The following ADAMTS20 variants were observed in gnomAD, a reference collection of about 807,000 sequenced individuals.
ADAMTS20 encodes ADAM metallopeptidase with thrombospondin type 1 motif 20.
In ADAMTS20, 225 loss-of-function variants were observed where a neutral mutation model predicts 260.1. The observed-to-expected ratio is 0.87, with a 90% CI of 0.78 to 0.97. The LOEUF is 0.97. Ranked by LOEUF, ADAMTS20 falls within the 50% of genes least tolerant of loss-of-function variation. The pLI is 0.00. For synonymous variants in ADAMTS20, 802 were observed against 769.5 expected, an observed-to-expected ratio of 1.04 and a Z score of -0.70; for missense variants, 2,400 against 2,337.7, an observed-to-expected ratio of 1.03 and a Z score of -0.55.
intron 3 of ADAMTS20, among the ~76,000 whole-genome samples, chr12:43,519,505 G>A (rs275373): frequency 0.92 from 140,177 of 152,166 alleles, 65,100 homozygotes; most frequent in East Asian, 0.99. Context: ...ACCTCATCTT[G>A]CAGAGTTCTT....
At chr12:43,445,677 T>TACACAC (rs56762980) in intron 15 of ADAMTS20, among the ~76,000 whole-genome samples, 12,891 of 148,704 alleles carry the variant, frequency 0.087, 906 homozygotes, top group East Asian at 0.45. Context: ...GACCCATCTC[T>TACACAC]ACACACACAC....
intron 7 of ADAMTS20, among the ~76,000 whole-genome samples, chr12:43,475,996 G>T (rs1942346826): frequency 7.2e-6 from 1 of 139,178 alleles, no homozygotes; most frequent in Non-Finnish European, 1.5e-5. Flanking sequence ...TGACAAATGG[G>T]ATCTAAATAA....
At chr12:43,517,671 A>C (rs1381607251) in intron 3 of ADAMTS20, among the ~76,000 whole-genome samples, 1 of 152,076 alleles carries the variant, frequency 6.6e-6, no homozygotes, top group Admixed American at 6.6e-5. Flanking sequence ...TCTTTTGGGA[A>C]ACAAGATGAT....
At chr12:43,378,022 A>AGTGTTTAG (rs1281203774) in intron 31 of ADAMTS20, among the ~76,000 whole-genome samples, 3 of 152,206 alleles carry the variant, frequency 2.0e-5, no homozygotes, top group Admixed American at 6.5e-5. Flanking sequence ...AAAATAGGTA[A>AGTGTTTAG]GTGATTTAGG....
intron 19 of ADAMTS20, chr12:43,433,713 C>T (rs769307195): frequency 6.7e-6 from 1 of 149,342 alleles, no homozygotes; most frequent in South Asian, 7.2e-5. Context: ...AACACACACA[C>T]ACACACACAC....
intron 18 of ADAMTS20, among the ~76,000 whole-genome samples, chr12:43,436,865 G>T (rs951293266): frequency 6.6e-6 from 1 of 152,138 alleles, no homozygotes; most frequent in Non-Finnish European, 1.5e-5. Flanking sequence ...TTGCAGGACC[G>T]TTTAACTCAA....
intron 2 of ADAMTS20, among the ~76,000 whole-genome samples, chr12:43,534,561 G>T (rs1282488005): frequency 6.6e-6 from 1 of 151,818 alleles, no homozygotes; most frequent in Admixed American, 6.6e-5. Flanking sequence ...CAAAATATTG[G>T]AACTACTTCA....
rs1213320762 is a variant in ADAMTS20 at position 43,462,818 on chromosome 12, AC to A, written c.1614+76del. 5.0e-6 allele frequency: 6 copies of A among 1,202,042 alleles called. No individual in the cohort carries two copies. In the Admixed American group the frequency reaches 9.5e-5, roughly 19 times the overall value. 74.5% of individuals were successfully genotyped at this position (1,202,042 alleles called of 1,614,324 possible). A position where few individuals can be genotyped will look rare whatever the true frequency, so the allele number is the denominator to read the frequency against. On this transcript the variant is annotated intron_variant, in intron 11 of 38. Transcript: ENST00000389420. ...AAGAAAAGTTGACAGCAAATAACAA[AC>A]AGAGTGCTAAAATGCAGAGCAATCA...
intron 2 of ADAMTS20, among the ~76,000 whole-genome samples, chr12:43,544,868 T>G (rs140285626): frequency 4.6e-5 from 7 of 152,194 alleles, no homozygotes; most frequent in African/African-American, 1.7e-4. Context: ...AGGGGTCTCC[T>G]GCAAGGCTGC....
chr12:43,392,765 A>G (rs1592044986), intron 29 of ADAMTS20, among the ~76,000 whole-genome samples: 1 of 152,126 alleles, frequency 6.6e-6, no homozygotes, highest in Middle Eastern at 3.4e-3. Flanking sequence ...TCTGTGATTG[A>G]AACTCCTTTA....
chr12:43,401,741 C>CTTTTTTTT (rs5797861), intron 28 of ADAMTS20, among the ~76,000 whole-genome samples: 1 of 147,416 alleles, frequency 6.8e-6, no homozygotes, highest in Non-Finnish European at 1.5e-5. Context: ...TATTTTTATG[C>CTTTTTTTT]TTTTTTTTTT....
At chr12:43,498,276 A>G (rs576664994) in intron 4 of ADAMTS20, among the ~76,000 whole-genome samples, 48 of 152,204 alleles carry the variant, frequency 3.2e-4, no homozygotes, top group Non-Finnish European at 6.2e-4. Context: ...ATATCACTGC[A>G]CTCAGGTATT....
chr12:43,417,751 T>C (rs754292244), intron 28 of ADAMTS20, among the ~76,000 whole-genome samples: 1 of 152,182 alleles, frequency 6.6e-6, no homozygotes, highest in Non-Finnish European at 1.5e-5. Flanking sequence ...CATATTTGTT[T>C]TATCTAACAC....
At chr12:43,478,983 G>A (rs1942401045) in intron 7 of ADAMTS20, among the ~76,000 whole-genome samples, 2 of 152,154 alleles carry the variant, frequency 1.3e-5, no homozygotes, top group Non-Finnish European at 2.9e-5. Flanking sequence ...AACCTGCGGA[G>A]TCTGGCACAA....
intron 36 of ADAMTS20, among the ~76,000 whole-genome samples, chr12:43,374,884 T>C (rs1363461723): frequency 6.6e-6 from 1 of 151,790 alleles, no homozygotes; most frequent in African/African-American, 2.4e-5. Context: ...TTATTAAGAG[T>C]CCCCAGCTGG....
intron 4 of ADAMTS20, 78 bp downstream of exon 4, chr12:43,502,074 A>G: frequency 7.2e-7 from 1 of 1,379,998 alleles, no homozygotes; most frequent in Non-Finnish European, 9.6e-7. Flanking sequence ...GTTTGGAAAA[A>G]AAATTTAATT....
At chr12:43,470,230 C>T (rs944603683) in intron 7 of ADAMTS20, among the ~76,000 whole-genome samples, 5 of 152,056 alleles carry the variant, frequency 3.3e-5, no homozygotes, top group African/African-American at 1.2e-4. Context: ...CATGGACATC[C>T]TACAGTAGGA....
chr12:43,485,379 A>T (rs1942507903), intron 7 of ADAMTS20, among the ~76,000 whole-genome samples: 1 of 152,124 alleles, frequency 6.6e-6, no homozygotes, highest in Non-Finnish European at 1.5e-5. Context: ...ACATCCCTTT[A>T]TGATAAAAAT....
chr12:43,502,290 T>C lies in ADAMTS20; in HGVS notation c.729A>G (p.Lys243=), dbSNP rs750921688. The C allele has an allele frequency of 1.2e-6, 2 of 1,612,190 alleles. No individual in the cohort carries two copies. The highest frequency in any genetic ancestry group is 3.4e-5 in the Admixed American group (2 of 59,482). The change falls in exon 4 of 39, where the codon AAA becomes AAG. Residue 243 remains lysine (K), a synonymous_variant. Transcript: ENST00000389420. ...LGHTSKNVPL[K]DERRHSRKKR... is the part of the protein sequence containing the mutation. ...TTTTCCTGGAATGTCTTCTTTCATCTTTCAATGGTACATTTTTTGATGTGT... is the reference window on the plus strand; with the variant it reads ...TTTTCCTGGAATGTCTTCTTTCATCCTTCAATGGTACATTTTTTGATGTGT...
Sources: gnomAD v4.1 joint callset for allele counts (sites outside exome capture counted in the v4.1 genomes callset) on GRCh38, gnomAD v4.1.1 for gene constraint, MANE v1.5 for transcripts, NCBI Gene and HGNC (gene_info 2026-07-23, HGNC 2026-07-21) for gene names.